Variants in EXT1 observed in about 807,000 individuals in gnomAD.
EXT1 encodes the protein exostosin glycosyltransferase 1.
A neutral mutation model predicts 82.5 loss-of-function variants in EXT1; 20 were observed. The ratio of observed to expected loss-of-function variants is 0.24; its 90% confidence interval spans 0.17 to 0.35. The LOEUF is 0.35. Among genes scored for constraint, EXT1 ranks in the 10% least tolerant of loss-of-function variants. The pLI is 1.00. For synonymous variants in EXT1, 348 were observed against 350.8 expected (o/e 0.99, Z 0.09); for missense variants, 757 against 936.5 (o/e 0.81, Z 2.50).
rs189309300 is a variant in EXT1, at chr8:117,952,877, G to C, written c.963-115676C>G. ...GGAAAATGGAAGATGGATTTGTGTA[G>C]ACCAAAGAAGTTCATGAATTTTATA... On this transcript the variant is annotated intron_variant, in intron 1 of 10. Transcript: ENST00000378204. Among the ~76,000 whole-genome samples the C allele has an allele frequency of 1.4e-3, 209 of 152,230 alleles. No individual in the cohort carries two copies. In the Middle Eastern group the frequency reaches 0.017, roughly 12 times the overall value.
At chr8:117,810,491 T>C (rs904989871) in intron 8 of EXT1, among the ~76,000 whole-genome samples, 9 of 152,214 alleles carry the variant, frequency 5.9e-5, no homozygotes, top group African/African-American at 2.2e-4. Flanking sequence ...CATTGAGTGG[T>C]TGGAATTGCT....
chr8:117,887,861 G>A (rs1422378960), intron 1 of EXT1, among the ~76,000 whole-genome samples: 1 of 151,758 alleles, frequency 6.6e-6, no homozygotes, highest in South Asian at 2.1e-4. Context: ...TGAGGCGGGC[G>A]TATCACCTGA....
intron 1 of EXT1, among the ~76,000 whole-genome samples, chr8:118,039,330 C>G (rs910906577): frequency 6.6e-6 from 1 of 152,074 alleles, no homozygotes; most frequent in Non-Finnish European, 1.5e-5. Flanking sequence ...GAGGCCAAGG[C>G]GGGCAGATCA....
At chr8:117,818,369 A>C (rs1811861810) in intron 7 of EXT1, 66 bp downstream of exon 7, 1 of 1,324,230 alleles carries the variant, frequency 7.6e-7, no homozygotes, top group African/African-American at 1.4e-5. Context: ...GCCAAGACCC[A>C]AAGTGCCCCA....
chr8:118,039,232 C>A (rs1816481742), intron 1 of EXT1, among the ~76,000 whole-genome samples: 1 of 152,036 alleles, frequency 6.6e-6, no homozygotes, highest in African/African-American at 2.4e-5. Context: ...TTTGCTGATT[C>A]TTTCTTTTAT....
chr8:118,059,671 C>A (rs573236084), intron 1 of EXT1, among the ~76,000 whole-genome samples: 26 of 152,334 alleles, frequency 1.7e-4, no homozygotes, highest in African/African-American at 6.0e-4. Context: ...CCCAACCCTA[C>A]GCAAGAACTT....
At chr8:117,876,179 C>A (rs763409115) in intron 1 of EXT1, among the ~76,000 whole-genome samples, 1 of 152,296 alleles carries the variant, frequency 6.6e-6, no homozygotes, top group East Asian at 1.9e-4. Context: ...TGGAAGTGTA[C>A]TCAGAGTGTA....
chr8:117,858,810 C>CAAGGCAGGCAGGAAGGAAGGA (rs1182184208), intron 1 of EXT1, among the ~76,000 whole-genome samples: 2 of 34,384 alleles, frequency 5.8e-5, no homozygotes, highest in Non-Finnish European at 5.3e-5. Context: ...CAAGGCAAGG[C>CAAGGCAGGCAGGAAGGAAGGA]AGGAAGGAAG....
At chr8:118,023,007 A>G (rs1397196427) in intron 1 of EXT1, among the ~76,000 whole-genome samples, 1 of 152,232 alleles carries the variant, frequency 6.6e-6, no homozygotes, top group Non-Finnish European at 1.5e-5. Flanking sequence ...GAGGATTCAT[A>G]TCTGTAGCTT....
intron 1 of EXT1, among the ~76,000 whole-genome samples, chr8:117,908,205 TATATGTTCCCTC>T (rs1371367415): frequency 2.6e-5 from 4 of 152,230 alleles, no homozygotes; most frequent in African/African-American, 9.6e-5. Context: ...AGGGGGATGA[TATATGTTCCCTC>T]AAAAGAATTA....
At chr8:118,027,631 C>A (rs1290997488) in intron 1 of EXT1, among the ~76,000 whole-genome samples, 1 of 152,218 alleles carries the variant, frequency 6.6e-6, no homozygotes, top group Non-Finnish European at 1.5e-5. Flanking sequence ...TTCTTGCACA[C>A]CCTCTTAGCA....
At chr8:118,037,263 C>T (rs1816437609) in intron 1 of EXT1, among the ~76,000 whole-genome samples, 1 of 151,990 alleles carries the variant, frequency 6.6e-6, no homozygotes, top group Admixed American at 6.5e-5. Flanking sequence ...TATGTCAAGG[C>T]GTGGGAGGGG....
At chr8:117,806,066 C>T (rs1208862344) in intron 9 of EXT1, among the ~76,000 whole-genome samples, 2 of 152,224 alleles carry the variant, frequency 1.3e-5, no homozygotes, top group African/African-American at 2.4e-5. Context: ...TACATCCAGA[C>T]TCTCTAGGCA....
rs189091060 is a variant in EXT1 at position 118,096,964 on chromosome 8, A to G, written c.962+13121T>C. Among the ~76,000 whole-genome samples, 227 of 152,348 alleles carry G rather than the reference A, an allele frequency of 1.5e-3. 1 individual carries two copies. In the Middle Eastern group the frequency reaches 0.02, roughly 14 times the overall value. On this transcript the variant is annotated intron_variant, in intron 1 of 10. Transcript: ENST00000378204. ...TGTAAATTTTTTTCATTTATGCAACAAACACTGAGTGCTTCCTGTGAGTCA... is the reference window on the plus strand; with the variant it reads ...TGTAAATTTTTTTCATTTATGCAACGAACACTGAGTGCTTCCTGTGAGTCA...
At position 117,818,429 on chromosome 8, in the gene EXT1, T is replaced by A; in HGVS notation, c.1632+6A>T. On this transcript the variant is annotated splice_donor_region_variant and intron_variant, in intron 7 of 10. Coordinates refer to ENST00000378204, the MANE Select transcript of EXT1 (RefSeq NM_000127.3). ...GTTCCACATATAGGTCCCCTTCGAG[T>A]CTTACCTTGCTCTCTCCTTCAATGA... The A allele has an allele frequency of 6.2e-7, 1 of 1,613,768 alleles. No individual in the cohort carries two copies. The highest frequency in any genetic ancestry group is 1.1e-5 in the South Asian group (1 of 91,064).
intron 1 of EXT1, among the ~76,000 whole-genome samples, chr8:117,990,260 G>C (rs1337513420): frequency 1.3e-5 from 2 of 152,220 alleles, no homozygotes; most frequent in African/African-American, 4.8e-5. Context: ...CTTGAAGACA[G>C]AAGCAATTAA....
At chr8:117,974,852 G>C (rs1360591134) in intron 1 of EXT1, among the ~76,000 whole-genome samples, 1 of 152,130 alleles carries the variant, frequency 6.6e-6, no homozygotes, top group Non-Finnish European at 1.5e-5. Context: ...CAAACCCAGA[G>C]TTAATTATCA....
intron 1 of EXT1, among the ~76,000 whole-genome samples, chr8:117,913,767 C>A (rs1813696390): frequency 6.6e-6 from 1 of 152,212 alleles, no homozygotes; most frequent in African/African-American, 2.4e-5. Context: ...GAACACATTA[C>A]AATTCACAAA....
At position 117,819,708 on chromosome 8, in the gene EXT1, C is replaced by A. The variant is rs778048374; in HGVS notation, c.1504G>T (p.Val502Leu). ...SQSQPVLKLLVAAAKSQYCAQ... is the reference protein window; with the variant it reads ...SQSQPVLKLLLAAAKSQYCAQ... ...CAGTACTGGGACTTGGCTGCAGCCA[C>A]GAGAAGCTTCAACACTGGCTGGGAC... The change falls in exon 6 of 11, where the codon GTG becomes TTG. Residue 502 changes from valine to leucine, a missense_variant. This residue lies in a region of EXT1 where 207 missense variants were observed against 224.2 expected (regional missense o/e 0.92). Transcript: ENST00000378204. The A allele has an allele frequency of 1.9e-6, 3 of 1,612,766 alleles. No individual in the cohort carries two copies. Among genetic ancestry groups the A allele is most frequent in the Non-Finnish European group, 2.5e-6 (3 of 1,180,010 alleles).
Sources: allele counts gnomAD v4.1 joint callset (sites outside exome capture counted in the v4.1 genomes callset), GRCh38; gene constraint gnomAD v4.1.1; regional missense constraint gnomAD v4.1.1; transcripts MANE v1.5; gene names NCBI Gene and HGNC (gene_info 2026-07-23, HGNC 2026-07-21).